The following ARHGAP29 variants were observed in gnomAD, a reference collection of about 807,000 sequenced individuals.
ARHGAP29 encodes rho GTPase-activating protein 29.
A neutral mutation model predicts 122.6 loss-of-function variants in ARHGAP29; 43 were observed. The ratio of observed to expected loss-of-function variants is 0.35; its 90% CI spans 0.27 to 0.45. The LOEUF (loss-of-function observed/expected upper bound fraction) is 0.45, where lower values mean the gene tolerates loss of function less well. Among genes scored for constraint, ARHGAP29 ranks in the 20% least tolerant of loss-of-function variants. ARHGAP29 has a pLI of 1.00. For synonymous variants in ARHGAP29, 506 were observed against 497.1 expected, an observed-to-expected ratio of 1.02 and a Z score of -0.24; for missense variants, 1,303 against 1,477.2, an observed-to-expected ratio of 0.88 and a Z score of 1.93.
chr1:94,256,093 G>C lies in ARHGAP29; in HGVS notation c.-33+18919C>G, dbSNP rs577417366. Among the ~76,000 whole-genome samples, 47 of 152,218 alleles carry C rather than the reference G, an allele frequency of 3.1e-4. No individual in the cohort carries two copies. In the South Asian group the frequency reaches 9.6e-3, roughly 31 times the overall value. On this transcript the variant is annotated intron_variant and NMD_transcript_variant, in intron 1 of 25. Coordinates refer to the ARHGAP29 transcript ENST00000552844. Reference sequence around the variant, plus strand: ...ACTAAGAAACCTGTATCTCAAGGAAGGTGAACTATTTACTCAAAATTACAC... The same window carrying C: ...ACTAAGAAACCTGTATCTCAAGGAACGTGAACTATTTACTCAAAATTACAC...
intron 3 of ARHGAP29, among the ~76,000 whole-genome samples, chr1:94,217,107 C>T (rs1277611579): frequency 2.0e-5 from 3 of 152,150 alleles, no homozygotes; most frequent in Admixed American, 1.3e-4. Flanking sequence ...TTACACATCC[C>T]TGATTCTAAA....
At chr1:94,266,744 C>T (rs1570625294) in intron 1 of ARHGAP29, among the ~76,000 whole-genome samples, 1 of 152,334 alleles carries the variant, frequency 6.6e-6, no homozygotes, top group East Asian at 1.9e-4. Context: ...CATAGCCTCT[C>T]TAGCACTGAA....
upstream of ARHGAP29, among the ~76,000 whole-genome samples, chr1:94,241,743 TATATATAA>T (rs1653597112): frequency 3.0e-5 from 4 of 133,332 alleles, no homozygotes; most frequent in African/African-American, 1.0e-4. Flanking sequence ...TTTATATATA[TATATATAA>T]AATCAAATGG....
Position 94,174,215 on chromosome 1 carries a change from T to C in ARHGAP29, c.3440A>G (p.Tyr1147Cys), listed in dbSNP as rs1420698561. The change falls in exon 23 of 23, where the codon TAC (tyrosine) becomes TGC (cysteine). Residue 1147 changes from tyrosine to cysteine, a missense_variant. Tyr to Cys is a radical substitution (Grantham distance 194). Transcript: ENST00000260526. ...GGGTGCTCTGACAGGAGCGAGAGGG[T>C]AGGAATCTGAAGACCGTCTCTCAGA... ...EASERRSSDS[Y>C]PLAPVRAPRT... 9 of 1,614,004 alleles carry C rather than the reference T, an allele frequency of 5.6e-6. No individual in the cohort carries two copies. In the Admixed American group the frequency reaches 1.5e-4, roughly 27 times the overall value.
intron 1 of ARHGAP29, among the ~76,000 whole-genome samples, chr1:94,257,549 G>A (rs949595160): frequency 7.2e-5 from 11 of 151,780 alleles, no homozygotes; most frequent in African/African-American, 2.7e-4. Flanking sequence ...CTCTACAAAA[G>A]TAAAAAAAAA....
chr1:94,174,300 T>C lies in ARHGAP29; in HGVS notation c.3355A>G (p.Ile1119Val), dbSNP rs149005277. ...TSLQISGDHS[I>V]NATQPSKPYA... ...GGCTTACTGGGTTGAGTGGCATTGA[T>C]AGAATGGTCCCCACTAATCTGGAGG... The change falls in exon 23 of 23, where the codon ATC (isoleucine) becomes GTC (valine). Residue 1119 changes from isoleucine to valine, a missense_variant. By Grantham distance (29) the Ile-to-Val change is conservative (BLOSUM62 3). Transcript: ENST00000260526. 2.4e-5 allele frequency: 39 copies of C among 1,614,076 alleles called. No homozygotes were observed. The highest frequency in any genetic ancestry group is 2.1e-4 in the African/African-American group (16 of 74,922).
chr1:94,170,128 A>G lies in ARHGAP29; in HGVS notation c.*3741T>C, dbSNP rs1052713768. Among the ~76,000 whole-genome samples the G allele has an allele frequency of 2.0e-5, 3 of 152,200 alleles. No homozygotes were observed. The highest frequency in any genetic ancestry group is 4.4e-5 in the Non-Finnish European group (3 of 68,038). On this transcript the variant is annotated 3_prime_UTR_variant, in exon 23 of 23. Coordinates refer to ENST00000260526, the MANE Select transcript of ARHGAP29 (RefSeq NM_004815.4). ...TTCGATGAGAAACAATACATTTACA[A>G]TCTTTAAGAATCTCCTCACAAATTA...
At chr1:94,229,523 C>A (rs541677061) in intron 2 of ARHGAP29, among the ~76,000 whole-genome samples, 2 of 151,786 alleles carry the variant, frequency 1.3e-5, no homozygotes, top group South Asian at 2.1e-4. Context: ...AAAAAATCAA[C>A]CCAAAGGTAA....
the ARHGAP29 span, among the ~76,000 whole-genome samples, chr1:94,293,795 C>G: frequency 6.6e-6 from 1 of 152,182 alleles, no homozygotes; most frequent in African/African-American, 2.4e-5. Context: ...CCGTGTTCAG[C>G]TATCTGGAAG....
Position 94,173,867 on chromosome 1 carries a change from C to A in ARHGAP29, c.*2G>T. On this transcript the variant is annotated 3_prime_UTR_variant, in exon 23 of 23. Transcript: ENST00000260526. ...ACAAAAAAACCCTGAAATTTGACAT[C>A]CCTACACAAATTGTGGAATTTCACC... 6.3e-7 allele frequency: 1 copy of A among 1,595,038 alleles called. No individual in the cohort carries two copies. Among genetic ancestry groups the A allele is most frequent in the African/African-American group, 1.3e-5 (1 of 74,522 alleles).
chr1:94,290,436 G>T, the ARHGAP29 span, among the ~76,000 whole-genome samples: 6 of 152,196 alleles, frequency 3.9e-5, no homozygotes, highest in South Asian at 8.3e-4. Flanking sequence ...GTCCTGCTCT[G>T]ATCTTTGTTA....
chr1:94,313,716 G>A, the ARHGAP29 span, among the ~76,000 whole-genome samples: 4 of 152,216 alleles, frequency 2.6e-5, no homozygotes, highest in African/African-American at 9.6e-5. Context: ...GCAAAGACTT[G>A]GAACCAACCC....
chr1:94,174,985 C>T (rs1443504441), intron 22 of ARHGAP29, among the ~76,000 whole-genome samples: 1 of 151,592 alleles, frequency 6.6e-6, no homozygotes, highest in East Asian at 1.9e-4. Context: ...CTACAAAACA[C>T]AAAAAAAACA....
intron 3 of ARHGAP29, 81 bp downstream of exon 3, chr1:94,220,176 GC>G: frequency 6.9e-7 from 1 of 1,453,050 alleles, no homozygotes; most frequent in Non-Finnish European, 9.5e-7. Flanking sequence ...AGAGGAATTG[GC>G]TATATATTCA....
intron 5 of ARHGAP29, among the ~76,000 whole-genome samples, chr1:94,207,458 CTGT>C (rs1319688825): frequency 6.6e-6 from 1 of 151,792 alleles, no homozygotes; most frequent in Non-Finnish European, 1.5e-5. Flanking sequence ...GTATTTTTTC[CTGT>C]TAAGAATTAG....
the ARHGAP29 span, among the ~76,000 whole-genome samples, chr1:94,304,908 A>G: frequency 2.6e-5 from 4 of 152,256 alleles, no homozygotes; most frequent in Admixed American, 6.5e-5. Flanking sequence ...TGGTTAAAAA[A>G]GCAAATCTGC....
the ARHGAP29 span, among the ~76,000 whole-genome samples, chr1:94,283,848 G>T: frequency 3.9e-5 from 6 of 152,152 alleles, no homozygotes; most frequent in Non-Finnish European, 8.8e-5. Context: ...ATAGCATAAA[G>T]TCCCAATCCC....
chr1:94,236,213 TA>T (rs534453879), intron 1 of ARHGAP29, among the ~76,000 whole-genome samples: 120 of 152,328 alleles, frequency 7.9e-4, no homozygotes, highest in African/African-American at 2.6e-3. Flanking sequence ...AAACAATTTT[TA>T]AAGGAAGGCA....
intron 22 of ARHGAP29, chr1:94,177,316 A>G: frequency 4.0e-6 from 1 of 250,010 alleles, no homozygotes; most frequent in Admixed American, 5.1e-5. Context: ...ACACATTTCT[A>G]CCTTGATTTT....
Sources: allele counts gnomAD v4.1 joint callset (sites outside exome capture counted in the v4.1 genomes callset), GRCh38; gene constraint gnomAD v4.1.1; transcripts MANE v1.5; gene names NCBI Gene and HGNC (gene_info 2026-07-23, HGNC 2026-07-21).